IGFBP5: variants seen among roughly 807,000 people sequenced by gnomAD.
IGFBP5 encodes insulin-like growth factor-binding protein 5.
A neutral mutation model predicts 28.0 loss-of-function variants in IGFBP5; 12 were observed. The ratio of observed to expected loss-of-function variants is 0.43; its 90% CI spans 0.27 to 0.69. IGFBP5 has a LOEUF of 0.69. IGFBP5 is among the 30% of genes least tolerant of loss of function. The pLI is 0.20. For missense variants in IGFBP5, 344 were observed against 381.6 expected (o/e 0.90, Z 0.82); for synonymous variants, 152 against 150.2 (o/e 1.01, Z -0.09).
chr2:216,683,242 GC>G (rs1490705019), intron 1 of IGFBP5, among the ~76,000 whole-genome samples: 1 of 152,182 alleles, frequency 6.6e-6, no homozygotes, highest in Non-Finnish European at 1.5e-5. Context: ...GATTGCTTGA[GC>G]CCGGAAGGTG....
chr2:216,677,441 C>G (rs1387788669), intron 3 of IGFBP5, among the ~76,000 whole-genome samples: 3 of 152,168 alleles, frequency 2.0e-5, no homozygotes, highest in African/African-American at 7.2e-5. Context: ...TTACAAAGAC[C>G]AATCACTCAC....
Position 216,677,243 on chromosome 2 carries a change from G to A in IGFBP5, c.688-361C>T, listed in dbSNP as rs572277506. ...CGTGAGCCACTGTGCCTGGCTTATAGTCCCGTTTTAAATATTACCCATTTG... is the reference window on the plus strand; with the variant it reads ...CGTGAGCCACTGTGCCTGGCTTATAATCCCGTTTTAAATATTACCCATTTG... On this transcript the variant is annotated intron_variant, in intron 3 of 3. Coordinates refer to ENST00000233813, the MANE Select transcript of IGFBP5 (RefSeq NM_000599.4). 2.6e-5 allele frequency among the ~76,000 whole-genome samples: 4 copies of A among 152,074 alleles called. No homozygotes were observed. In the East Asian group the frequency reaches 7.7e-4, roughly 29 times the overall value.
Position 216,692,286 on chromosome 2 carries a change from A to AAGGCACTC in IGFBP5, c.337+2145_337+2152dup, listed in dbSNP as rs1248602359. ...GAAGAGGCGGCTTCGGGTTGGCCCAAAGGCACTCAGAAGGTGGGGGTTGAG... is the reference window on the plus strand; with the variant it reads ...GAAGAGGCGGCTTCGGGTTGGCCCAAAGGCACTCAGGCACTCAGAAGGTGGGGGTTGAG... On this transcript the variant is annotated intron_variant, in intron 1 of 3. Transcript: ENST00000233813. The surrounding 1 kb of genome is among the most constrained non-coding windows in gnomAD (Gnocchi z 4.2). 6.6e-5 allele frequency among the ~76,000 whole-genome samples: 10 copies of AAGGCACTC among 151,386 alleles called. No individual in the cohort carries two copies. The highest frequency in any genetic ancestry group is 2.4e-4 in the African/African-American group (10 of 41,348).
chr2:216,690,925 G>A (rs1689088096), intron 1 of IGFBP5, among the ~76,000 whole-genome samples: 1 of 151,084 alleles, frequency 6.6e-6, no homozygotes, highest in African/African-American at 2.4e-5. Context: ...CGGAGGTGGC[G>A]AGAAAAGTCC....
At position 216,692,901 on chromosome 2, in the gene IGFBP5, T is replaced by A. The variant is rs953994037; in HGVS notation, c.337+1538A>T. 5.9e-5 allele frequency among the ~76,000 whole-genome samples: 9 copies of A among 152,116 alleles called. No homozygotes were observed. Among genetic ancestry groups the A allele is most frequent in the African/African-American group, 1.7e-4 (7 of 41,434 alleles). Reference sequence around the variant, plus strand: ...GAACACAGGAAGCTCTCCGGCCTCCTGGCAAGCGCGGACGCACTCCTCTCC... The same window carrying A: ...GAACACAGGAAGCTCTCCGGCCTCCAGGCAAGCGCGGACGCACTCCTCTCC... On this transcript the variant is annotated intron_variant, in intron 1 of 3. Transcript: ENST00000233813. The surrounding 1 kb of genome is among the most constrained non-coding windows in gnomAD (Gnocchi z 4.2).
chr2:216,678,671 C>T (rs1246244406), intron 2 of IGFBP5, 179 bp downstream of exon 2: 2 of 612,260 alleles, frequency 3.3e-6, no homozygotes, highest in Non-Finnish European at 5.8e-6. Context: ...TGCACAAGCC[C>T]TTGGCCCTGA....
chr2:216,690,750 A>G (rs1689085417), intron 1 of IGFBP5, among the ~76,000 whole-genome samples: 1 of 139,874 alleles, frequency 7.1e-6, no homozygotes, highest in Non-Finnish European at 1.6e-5. Flanking sequence ...TGGATGGAGA[A>G]GGTCGGAGGG....
Position 216,678,852 on chromosome 2 carries a change from G to C in IGFBP5, c.565C>G (p.Gln189Glu). 6.2e-7 allele frequency: 1 copy of C among 1,612,388 alleles called. No individual in the cohort carries two copies. The highest frequency in any genetic ancestry group is 1.1e-5 in the South Asian group (1 of 91,018). ...SAPEMRQESE[Q>E]GPCRRHMEAS... ...ATGAGGGAATCCCCGAGATGCACCT[G>C]CTCAGACTCCTGTCTCATCTCAGGT... The change falls in exon 2 of 4, where the codon CAG becomes GAG. Residue 189 changes from glutamine to glutamate, a missense_variant and splice_region_variant. By Grantham distance (29) the Gln-to-Glu change is conservative. This residue lies in a region of IGFBP5 where 304 missense variants were observed against 329.2 expected (regional missense o/e 0.92). Coordinates refer to ENST00000233813, the MANE Select transcript of IGFBP5 (RefSeq NM_000599.4).
intron 1 of IGFBP5, among the ~76,000 whole-genome samples, chr2:216,689,952 C>G (rs1169371366): frequency 6.7e-6 from 1 of 149,450 alleles, no homozygotes; most frequent in African/African-American, 2.5e-5. Flanking sequence ...TTTTCAGTCA[C>G]TCCTCTGGAT....
At chr2:216,680,878 T>C (rs11575183) in intron 1 of IGFBP5, among the ~76,000 whole-genome samples, 91 of 152,288 alleles carry the variant, frequency 6.0e-4, no homozygotes, top group African/African-American at 2.1e-3. Flanking sequence ...AGTCATGTCT[T>C]GATGTCCCAG....
Position 216,679,989 on chromosome 2 carries a change from G to A in IGFBP5, c.338-910C>T, listed in dbSNP as rs7587955. Among the ~76,000 whole-genome samples, 1,268 of 152,184 alleles carry A rather than the reference G, an allele frequency of 8.3e-3. 11 individuals carry two copies. Among genetic ancestry groups the A allele is most frequent in the African/African-American group, 9.7e-3 (401 of 41,502 alleles). ...TATTTGTTGATCCTTAATTCCACCCGTCCGGCCTTTTCTTGGTGCGCAGTT... is the reference window on the plus strand; with the variant it reads ...TATTTGTTGATCCTTAATTCCACCCATCCGGCCTTTTCTTGGTGCGCAGTT... On this transcript the variant is annotated intron_variant, in intron 1 of 3. Coordinates refer to ENST00000233813, the MANE Select transcript of IGFBP5 (RefSeq NM_000599.4). The surrounding 1 kb of genome is among the most constrained non-coding windows in gnomAD (Gnocchi z 4.6).
chr2:216,683,359 G>A (rs1689001639), intron 1 of IGFBP5, among the ~76,000 whole-genome samples: 1 of 152,196 alleles, frequency 6.6e-6, no homozygotes, highest in Non-Finnish European at 1.5e-5. Context: ...CTGGGGGACA[G>A]AGTGAGACCC....
In IGFBP5 at chr2:216,694,072, G is replaced by A. The variant is rs1027278066; in HGVS notation, c.337+367C>T. 1.3e-5 allele frequency among the ~76,000 whole-genome samples: 2 copies of A among 152,046 alleles called. No homozygotes were observed. The highest frequency in any genetic ancestry group is 4.8e-5 in the African/African-American group (2 of 41,386). On this transcript the variant is annotated intron_variant, in intron 1 of 3. Transcript: ENST00000233813. This position sits in a 1 kb window ranked among gnomAD's most constrained non-coding sequence, Gnocchi z 5.2. ...AAAACCTATGCGGGGCGCGAGGGGG[G>A]TGGAGGAGGGAGTTGATAATGTAAC...
At chr2:216,687,464 G>A (rs1234772071) in intron 1 of IGFBP5, among the ~76,000 whole-genome samples, 2 of 152,234 alleles carry the variant, frequency 1.3e-5, no homozygotes, top group East Asian at 1.9e-4. Context: ...GAGGTAAAGA[G>A]AGGCTCCTTG....
rs779638662 is a variant in IGFBP5, at chr2:216,692,946, T to C, written c.337+1493A>G. Among the ~76,000 whole-genome samples the C allele has an allele frequency of 4.6e-5, 7 of 151,578 alleles. No individual in the cohort carries two copies. Among genetic ancestry groups the C allele is most frequent in the Non-Finnish European group, 7.4e-5 (5 of 67,870 alleles). On this transcript the variant is annotated intron_variant, in intron 1 of 3. Transcript: ENST00000233813. The surrounding 1 kb of genome is among the most constrained non-coding windows in gnomAD (Gnocchi z 4.2). The stretch of plus-strand genomic sequence containing the variant: ...CTCTCCTGCACTATAGTGACTGAAA[T>C]TTGCACTTCAGAAAACTCATGTTAG...
Position 216,692,186 on chromosome 2 carries a change from C to A in IGFBP5, c.337+2253G>T, listed in dbSNP as rs1166903664. Among the ~76,000 whole-genome samples, 8 of 152,236 alleles carry A rather than the reference C, an allele frequency of 5.3e-5. No homozygotes were observed. The highest frequency in any genetic ancestry group is 1.9e-4 in the African/African-American group (8 of 41,556). On this transcript the variant is annotated intron_variant, in intron 1 of 3. Coordinates refer to ENST00000233813, the MANE Select transcript of IGFBP5 (RefSeq NM_000599.4). The surrounding 1 kb of genome is among the most constrained non-coding windows in gnomAD (Gnocchi z 4.2). ...CCAGCAGCGGTGGAGCGCCGCCAAC[C>A]CGCAACAGCAGCCGGCCGGGCACCT...
At position 216,679,743 on chromosome 2, in the gene IGFBP5, G is replaced by A. The variant is rs1240880753; in HGVS notation, c.338-664C>T. On this transcript the variant is annotated intron_variant, in intron 1 of 3. Coordinates refer to ENST00000233813, the MANE Select transcript of IGFBP5 (RefSeq NM_000599.4). This position sits in a 1 kb window ranked among gnomAD's most constrained non-coding sequence, Gnocchi z 4.6. ...GAGAGCCAGAAATGTAGGCCCGGAG[G>A]GGACCGGCGTGGGGCCAAGTGGAAG... Among the ~76,000 whole-genome samples the A allele has an allele frequency of 6.6e-6, 1 of 152,156 alleles. No individual in the cohort carries two copies. The highest frequency in any genetic ancestry group is 1.5e-5 in the Non-Finnish European group (1 of 68,044).
intron 3 of IGFBP5, among the ~76,000 whole-genome samples, chr2:216,677,731 G>A (rs1035775380): frequency 3.2e-4 from 49 of 152,230 alleles, no homozygotes; most frequent in Admixed American, 6.5e-5. Flanking sequence ...TTGCCCAAAG[G>A]AGAGCCTGGC....
intron 3 of IGFBP5, 30 bp from the exon 4 acceptor site, chr2:216,676,912 G>A: frequency 6.2e-7 from 1 of 1,611,216 alleles, no homozygotes; most frequent in Non-Finnish European, 8.5e-7. Context: ...AGGCGGTGAG[G>A]ACGGCCGCAC....
Sources: gnomAD v4.1 joint callset for allele counts (sites outside exome capture counted in the v4.1 genomes callset) on GRCh38, gnomAD v4.1.1 for gene constraint, gnomAD v4.1.1 regional missense constraint, Gnocchi (gnomAD v3.1) non-coding constraint, MANE v1.5 for transcripts, NCBI Gene and HGNC (gene_info 2026-07-23, HGNC 2026-07-21) for gene names.